SHISA6: variants seen among roughly 807,000 people sequenced by gnomAD.
SHISA6 encodes the protein protein shisa-6.
Under a neutral mutation model 47.9 loss-of-function variants are expected in SHISA6, and 22 were observed. The observed-to-expected ratio is 0.46, with a 90% CI of 0.33 to 0.66. SHISA6 has a LOEUF of 0.66. SHISA6 is among the 30% of genes least tolerant of loss of function. The pLI is 0.02. For missense variants in SHISA6, 680 were observed against 764.6 expected (o/e 0.89, Z 1.30); for synonymous variants, 388 against 337.8 (o/e 1.15, Z -1.63).
chr17:11,545,466 C>T (rs2071875527), intron 3 of SHISA6, among the ~76,000 whole-genome samples: 1 of 152,150 alleles, frequency 6.6e-6, no homozygotes, highest in African/African-American at 2.4e-5. Context: ...ATGTTCTGTA[C>T]ATTGACTGTG....
intron 2 of SHISA6, among the ~76,000 whole-genome samples, chr17:11,338,352 A>G (rs1439344564): frequency 6.6e-6 from 1 of 152,148 alleles, no homozygotes; most frequent in African/African-American, 2.4e-5. Flanking sequence ...CTAGAGCCAC[A>G]TCCTGCTAAG....
intron 2 of SHISA6, among the ~76,000 whole-genome samples, chr17:11,325,771 T>C (rs926290759): frequency 6.6e-6 from 1 of 152,114 alleles, no homozygotes; most frequent in Non-Finnish European, 1.5e-5. Context: ...ACTTCCTCCC[T>C]GGGCTTAACT....
intron 3 of SHISA6, among the ~76,000 whole-genome samples, chr17:11,498,470 T>C (rs2321839): frequency 0.22 from 33,842 of 152,102 alleles, 3,911 homozygotes; most frequent in East Asian, 0.32. Flanking sequence ...GGGGTGACTA[T>C]AGTTAATAAT....
At chr17:11,281,120 T>C (rs1909102775) in intron 2 of SHISA6, among the ~76,000 whole-genome samples, 1 of 152,238 alleles carries the variant, frequency 6.6e-6, no homozygotes, top group Non-Finnish European at 1.5e-5. Context: ...AAAGCTAGTT[T>C]TACTTCTTCC....
chr17:11,526,150 T>C (rs553086055), intron 3 of SHISA6, among the ~76,000 whole-genome samples: 3 of 149,356 alleles, frequency 2.0e-5, no homozygotes, highest in South Asian at 4.3e-4. Context: ...GGCCCAAATA[T>C]GGTTTCAATT....
chr17:11,250,854 G>T (rs1336372223), intron 1 of SHISA6, among the ~76,000 whole-genome samples: 1 of 152,140 alleles, frequency 6.6e-6, no homozygotes, highest in Non-Finnish European at 1.5e-5. Flanking sequence ...GAGAACTGGA[G>T]ATCTCGGTGA....
Position 11,241,518 on chromosome 17 carries a change from C to A in SHISA6, c.96C>A (p.Asn32Lys). Residue 32 changes from asparagine to lysine, a missense_variant, in exon 1 of 6, where the codon AAC becomes AAA. Asn to Lys is a moderately conservative substitution (Grantham distance 94). Around this residue, in one of 2 missense-constraint regions of SHISA6, gnomAD observed 121 missense variants for 90.5 expected, o/e 1.34. Coordinates refer to ENST00000441885, the MANE Select transcript of SHISA6 (RefSeq NM_207386.4). This position sits in a 1 kb window ranked among gnomAD's most constrained non-coding sequence, Gnocchi z 5.5. ...SVHGARGRAA[N>K]RTLSAGGAAV... ...ACGGAGCCCGCGGCCGCGCCGCCAACCGGACCCTGAGTGCAGGCGGCGCTG... is the reference window on the plus strand; with the variant it reads ...ACGGAGCCCGCGGCCGCGCCGCCAAACGGACCCTGAGTGCAGGCGGCGCTG... 1 of 1,138,980 alleles carries A rather than the reference C, an allele frequency of 8.8e-7. No individual in the cohort carries two copies. Among genetic ancestry groups the A allele is most frequent in the Non-Finnish European group, 1.1e-6 (1 of 925,266 alleles). 70.6% of individuals were successfully genotyped at this position (1,138,980 alleles called of 1,614,324 possible).
chr17:11,273,041 A>G (rs1402436451), intron 2 of SHISA6, among the ~76,000 whole-genome samples: 1 of 152,200 alleles, frequency 6.6e-6, no homozygotes, highest in Non-Finnish European at 1.5e-5. Context: ...TCTTCAAATC[A>G]TATTAGCAAC....
chr17:11,267,795 G>A lies in SHISA6; in HGVS notation c.799+4269G>A, dbSNP rs1164581647. Among the ~76,000 whole-genome samples the A allele has an allele frequency of 5.3e-5, 8 of 152,296 alleles. No individual in the cohort carries two copies. The East Asian group carries it at 1.5e-3, about 29-fold the overall frequency. On this transcript the variant is annotated intron_variant, in intron 2 of 5. Transcript: ENST00000441885. Reference sequence around the variant, plus strand: ...GGGGCTGAAGGGAGTGGAAGACTCAGGCTTATCTGAGAGAGGGAGGAGGTC... The same window carrying A: ...GGGGCTGAAGGGAGTGGAAGACTCAAGCTTATCTGAGAGAGGGAGGAGGTC...
At chr17:11,358,667 C>CTTTTTTTTT (rs71142206) in intron 2 of SHISA6, among the ~76,000 whole-genome samples, 13 of 141,338 alleles carry the variant, frequency 9.2e-5, no homozygotes, top group Middle Eastern at 3.7e-3. Flanking sequence ...CCAGAATTTC[C>CTTTTTTTTT]TTTTTTTTTT....
At chr17:11,411,737 C>T (rs1422058946) in intron 3 of SHISA6, among the ~76,000 whole-genome samples, 1 of 152,108 alleles carries the variant, frequency 6.6e-6, no homozygotes, top group Non-Finnish European at 1.5e-5. Context: ...TCACAGATTG[C>T]CCAAGGCTGG....
At chr17:11,480,616 A>G (rs1916186518) in intron 3 of SHISA6, among the ~76,000 whole-genome samples, 1 of 152,166 alleles carries the variant, frequency 6.6e-6, no homozygotes. Flanking sequence ...ATGGGTTCCA[A>G]GAAGAGACTA....
intron 3 of SHISA6, among the ~76,000 whole-genome samples, chr17:11,490,865 G>A (rs937870369): frequency 2.6e-5 from 4 of 152,246 alleles, no homozygotes; most frequent in African/African-American, 9.6e-5. Flanking sequence ...TCTGACTGAT[G>A]ACTCAATGAA....
At chr17:11,437,591 G>C (rs972725485) in intron 3 of SHISA6, among the ~76,000 whole-genome samples, 2 of 152,176 alleles carry the variant, frequency 1.3e-5, no homozygotes, top group Admixed American at 6.5e-5. Context: ...TGGAGGGATG[G>C]AACAGTAAGT....
chr17:11,364,784 T>C (rs1033411785), intron 2 of SHISA6, among the ~76,000 whole-genome samples: 2 of 152,224 alleles, frequency 1.3e-5, no homozygotes, highest in African/African-American at 4.8e-5. Context: ...AACAAGCTTT[T>C]CAAAGTGGTT....
intron 2 of SHISA6, among the ~76,000 whole-genome samples, chr17:11,316,397 G>GTCTC (rs143386215): frequency 1.1e-5 from 1 of 87,990 alleles, no homozygotes; most frequent in African/African-American, 5.1e-5. Flanking sequence ...CCTTCTCTCT[G>GTCTC]TCTCTCTCTC....
intron 1 of SHISA6, among the ~76,000 whole-genome samples, chr17:11,246,930 T>A (rs1558217): frequency 6.6e-6 from 1 of 152,046 alleles, no homozygotes; most frequent in Non-Finnish European, 1.5e-5. Context: ...CATTGCTCAC[T>A]GTCTTCATGT....
At chr17:11,426,368 G>A (rs953390764) in intron 3 of SHISA6, among the ~76,000 whole-genome samples, 2 of 152,186 alleles carry the variant, frequency 1.3e-5, no homozygotes, top group Non-Finnish European at 2.9e-5. Context: ...GTTCTAATTG[G>A]AATGACAGAG....
At chr17:11,327,147 AT>A (rs1408980655) in intron 2 of SHISA6, among the ~76,000 whole-genome samples, 2 of 152,206 alleles carry the variant, frequency 1.3e-5, no homozygotes, top group Non-Finnish European at 2.9e-5. Context: ...GGTGTTTGAC[AT>A]TTATGGTGCA....
Sources: allele counts gnomAD v4.1 joint callset (sites outside exome capture counted in the v4.1 genomes callset), GRCh38; gene constraint gnomAD v4.1.1; regional missense constraint gnomAD v4.1.1; non-coding constraint Gnocchi (gnomAD v3.1); transcripts MANE v1.5; gene names NCBI Gene and HGNC (gene_info 2026-07-23, HGNC 2026-07-21).